The following DOP1B variants were observed in gnomAD, a reference collection of about 807,000 sequenced individuals.
The protein encoded by DOP1B is DOP1 leucine zipper like protein B, also known as protein DOP1B.
Under a neutral mutation model 233.5 loss-of-function variants are expected in DOP1B, and 174 were observed. The ratio of observed to expected loss-of-function variants is 0.75; its 90% CI spans 0.66 to 0.85. The LOEUF is 0.85. Ranked by LOEUF, DOP1B falls within the 40% of genes least tolerant of loss-of-function variation. DOP1B has a pLI of 0.00. For missense variants in DOP1B, 2,652 were observed against 2,846.6 expected (o/e 0.93, Z 1.56); for synonymous variants, 1,190 against 1,185.6 (o/e 1.00, Z -0.08).
rs529048209 is a variant in DOP1B at position 36,211,368 on chromosome 21, T to C, written c.682-185T>C. Among the ~76,000 whole-genome samples, 68 of 152,272 alleles carry C rather than the reference T, an allele frequency of 4.5e-4. 1 individual carries two copies. The highest frequency in any genetic ancestry group is 1.6e-3 in the African/African-American group (65 of 41,562). ...GAACAGTGAGGTCTGCAGCTGAACG[T>C]CTTCTCCGATGTCACGCAGCCTGTG... On this transcript the variant is annotated intron_variant, in intron 5 of 36. Transcript: ENST00000691173.
rs746762589 is a variant in DOP1B, at chr21:36,164,784, C to T, written c.51C>T (p.Tyr17=). 22 of 1,612,316 alleles carry T rather than the reference C, an allele frequency of 1.4e-5. No individual in the cohort carries two copies. The highest frequency in any genetic ancestry group is 1.8e-5 in the Non-Finnish European group (21 of 1,179,338). ...TAAATGATTACAGATACAGAAGCTA[C>T]TCTTCAGTGATTGAAAAGGCTTTGA... is the stretch of plus-strand genomic sequence containing the variant. ...ELLNDYRYRS[Y]SSVIEKALRN... Residue 17 remains tyrosine (Y), a synonymous_variant, in exon 2 of 37, where the codon TAC becomes TAT. Transcript: ENST00000691173.
chr21:36,167,004 G>A (rs1038116403), intron 2 of DOP1B, among the ~76,000 whole-genome samples: 15 of 152,146 alleles, frequency 9.9e-5, no homozygotes, highest in Non-Finnish European at 2.2e-4. Context: ...CTCTATCTCA[G>A]GAATTCTCTA....
intron 2 of DOP1B, among the ~76,000 whole-genome samples, chr21:36,192,990 A>G (rs1016288167): frequency 6.6e-6 from 1 of 152,080 alleles, no homozygotes; most frequent in Non-Finnish European, 1.5e-5. Context: ...GCCCGGCCCC[A>G]CTTTCATTCT....
rs751625911 is a variant in DOP1B at position 36,227,824 on chromosome 21, A to G, written c.1612A>G (p.Lys538Glu). The change falls in exon 13 of 37, where the codon AAA (lysine) becomes GAA (glutamate). Residue 538 changes from lysine to glutamate, a missense_variant. By Grantham distance (56) the Lys-to-Glu change is moderately conservative. This residue lies in a region of DOP1B where 2,617 missense variants were observed against 2,794.3 expected (regional missense o/e 0.94). Coordinates refer to ENST00000691173, the MANE Select transcript of DOP1B (RefSeq NM_001320714.2). Reference protein sequence around the residue: ...ALKTCFKVLSKVQMPPSYLDT... With the variant: ...ALKTCFKVLSEVQMPPSYLDT... ...GAAGACGTGTTTCAAGGTGCTCAGC[A>G]AAGTCCAGATGCCTCCTTCCTACCT... 6.2e-7 allele frequency: 1 copy of G among 1,612,998 alleles called. No homozygotes were observed. The highest frequency in any genetic ancestry group is 1.1e-5 in the South Asian group (1 of 91,016).
Position 36,227,760 on chromosome 21 carries a change from C to T in DOP1B, c.1548C>T (p.Asp516=), listed in dbSNP as rs139622151. 3.7e-6 allele frequency: 6 copies of T among 1,613,500 alleles called. No homozygotes were observed. The highest frequency in any genetic ancestry group is 3.3e-5 in the South Asian group (3 of 91,060). Residue 516 remains aspartate, a synonymous_variant, in exon 13 of 37, where the codon GAC becomes GAT. Transcript: ENST00000691173. The part of the protein sequence containing the change: ...LGCLVQPLAE[D]MEALSLPELT... ...GCCTGGTGCAGCCTCTTGCTGAGGA[C>T]ATGGAGGCCTTAAGTTTACCTGAAC...
intron 10 of DOP1B, among the ~76,000 whole-genome samples, chr21:36,220,798 C>A (rs980522430): frequency 6.6e-6 from 1 of 151,734 alleles, no homozygotes; most frequent in Admixed American, 6.6e-5. Flanking sequence ...AGCCGCCATG[C>A]CTGGTACTCT....
chr21:36,247,754 G>A (rs2066985372), intron 20 of DOP1B, 126 bp downstream of exon 20: 4 of 641,522 alleles, frequency 6.2e-6, no homozygotes, highest in South Asian at 2.4e-5. Context: ...TGGAGGTGAT[G>A]CAAATGTGAA....
intron 11 of DOP1B, among the ~76,000 whole-genome samples, chr21:36,224,182 G>C (rs76789355): frequency 0.099 from 15,005 of 151,822 alleles, 1,244 homozygotes; most frequent in African/African-American, 0.22. Flanking sequence ...CGGAGTCTCT[G>C]TCTCTCACCG....
rs566884505 is a variant in DOP1B, at chr21:36,288,909, T to C, written c.6353+98T>C. 2.7e-5 allele frequency: 39 copies of C among 1,449,152 alleles called. No individual in the cohort carries two copies. In the African/African-American group the frequency reaches 3.7e-4, roughly 14 times the overall value. 89.8% of individuals were successfully genotyped at this position (1,449,152 alleles called of 1,614,324 possible). A position where few individuals can be genotyped will look rare whatever the true frequency, so the allele number is the denominator to read the frequency against. ...TTGTCTAATGTTAAATGCTGTTATC[T>C]TGAAGTACTTGTGAAAGGACCAGCT... On this transcript the variant is annotated intron_variant, in intron 34 of 36. Coordinates refer to ENST00000691173, the MANE Select transcript of DOP1B (RefSeq NM_001320714.2).
At chr21:36,269,623 C>T (rs976481348) in intron 26 of DOP1B, among the ~76,000 whole-genome samples, 1 of 152,036 alleles carries the variant, frequency 6.6e-6, no homozygotes, top group African/African-American at 2.4e-5. Flanking sequence ...TGGGATCAAG[C>T]GATTCTCTTG....
chr21:36,281,240 G>C (rs923572867), intron 31 of DOP1B, among the ~76,000 whole-genome samples: 1 of 152,214 alleles, frequency 6.6e-6, no homozygotes, highest in South Asian at 2.1e-4. Flanking sequence ...AGGCCGCAGT[G>C]AGCTGTGATC....
intron 23 of DOP1B, among the ~76,000 whole-genome samples, chr21:36,259,551 G>A (rs755995568): frequency 1.3e-5 from 2 of 152,162 alleles, no homozygotes; most frequent in Admixed American, 6.5e-5. Flanking sequence ...GGGATTATAG[G>A]TGTGAGCCAC....
chr21:36,179,666 A>G (rs1200094692), intron 2 of DOP1B, among the ~76,000 whole-genome samples: 1 of 152,196 alleles, frequency 6.6e-6, no homozygotes, highest in African/African-American at 2.4e-5. Context: ...ACTAACATGA[A>G]AAATGCTTAT....
At position 36,175,023 on chromosome 21, in the gene DOP1B, C is replaced by T. The variant is rs539453661; in HGVS notation, c.138+10152C>T. ...TCGGCAGGGTTGGTTCTTCTGAGGCCTCGCTGCCTGGCTTGGAGATGGTGT... is the reference window on the plus strand; with the variant it reads ...TCGGCAGGGTTGGTTCTTCTGAGGCTTCGCTGCCTGGCTTGGAGATGGTGT... On this transcript the variant is annotated intron_variant, in intron 2 of 36. Transcript: ENST00000691173. Among the ~76,000 whole-genome samples the T allele has an allele frequency of 2.9e-4, 44 of 152,270 alleles. 3 individuals carry two copies. Among genetic ancestry groups the T allele is most frequent in the African/African-American group, 8.9e-4 (37 of 41,560 alleles).
At chr21:36,269,715 G>T (rs2067265845) in intron 26 of DOP1B, among the ~76,000 whole-genome samples, 1 of 151,580 alleles carries the variant, frequency 6.6e-6, no homozygotes, top group South Asian at 2.1e-4. Flanking sequence ...TAGAGACAGG[G>T]TTTCACCATG....
At chr21:36,244,015 T>C (rs2066923927) in intron 18 of DOP1B, among the ~76,000 whole-genome samples, 1 of 138,884 alleles carries the variant, frequency 7.2e-6, no homozygotes, top group South Asian at 2.3e-4. Context: ...TGATTTTTCC[T>C]TTCCTTTTTT....
At chr21:36,184,932 A>C (rs2066146684) in intron 2 of DOP1B, among the ~76,000 whole-genome samples, 1 of 152,182 alleles carries the variant, frequency 6.6e-6, no homozygotes, top group South Asian at 2.1e-4. Context: ...ATTTCATTAG[A>C]GCATGCCAGT....
At chr21:36,201,961 G>A (rs1037837465) in intron 4 of DOP1B, among the ~76,000 whole-genome samples, 7 of 152,142 alleles carry the variant, frequency 4.6e-5, no homozygotes, top group Middle Eastern at 3.4e-3. Flanking sequence ...AGAGCAGGTG[G>A]ATCACTTGAG....
At chr21:36,233,159 A>C in intron 15 of DOP1B, 84 bp downstream of exon 15, 2 of 1,492,106 alleles carry the variant, frequency 1.3e-6, no homozygotes, top group Admixed American at 2.2e-5. Context: ...GGATGGGGGC[A>C]GTGGCCCACT....
Sources: allele counts gnomAD v4.1 joint callset (sites outside exome capture counted in the v4.1 genomes callset), GRCh38; gene constraint gnomAD v4.1.1; regional missense constraint gnomAD v4.1.1; transcripts MANE v1.5; gene names NCBI Gene and HGNC (gene_info 2026-07-23, HGNC 2026-07-21).